LDLRAD4: variants seen among roughly 807,000 people sequenced by gnomAD.
LDLRAD4 encodes low-density lipoprotein receptor class A domain-containing protein 4.
In LDLRAD4, 5 loss-of-function variants were observed where a neutral mutation model predicts 17.0. The ratio of observed to expected loss-of-function variants is 0.29; its 90% CI spans 0.15 to 0.62. The LOEUF (loss-of-function observed/expected upper bound fraction) is 0.62, where lower values mean the gene tolerates loss of function less well. Among genes scored for constraint, LDLRAD4 ranks in the 20% least tolerant of loss-of-function variants. The pLI, the probability that LDLRAD4 is intolerant of heterozygous loss-of-function variation, is 0.84. For missense variants in LDLRAD4, 340 were observed against 424.7 expected (o/e 0.80, Z 1.75); for synonymous variants, 168 against 171.8 (o/e 0.98, Z 0.17).
At chr18:13,482,241 C>T (rs2146961484) in intron 3 of LDLRAD4, among the ~76,000 whole-genome samples, 1 of 152,282 alleles carries the variant, frequency 6.6e-6, no homozygotes, top group South Asian at 2.1e-4. Flanking sequence ...GGGACGGTTG[C>T]CTCTGAACCC....
intron 3 of LDLRAD4, among the ~76,000 whole-genome samples, chr18:13,546,444 T>C (rs1023156126): frequency 1.4e-5 from 2 of 145,144 alleles, no homozygotes; most frequent in African/African-American, 5.1e-5. Context: ...TCATAGCTCA[T>C]AGCAGCCTCA....
At chr18:13,218,250 A>C (rs1427057990), upstream of LDLRAD4, among the ~76,000 whole-genome samples, 2 of 152,060 alleles carry the variant, frequency 1.3e-5, no homozygotes, top group African/African-American at 4.8e-5. Context: ...CGGAGGGAGA[A>C]GCTGGGCGCC....
At chr18:13,285,114 G>A (rs568577417) in intron 1 of LDLRAD4, among the ~76,000 whole-genome samples, 49 of 152,312 alleles carry the variant, frequency 3.2e-4, no homozygotes, top group Non-Finnish European at 3.5e-4. Context: ...AGGTTGCAGC[G>A]TCCCTCTCAA....
chr18:13,502,293 G>T (rs1442821162), intron 3 of LDLRAD4, among the ~76,000 whole-genome samples: 1 of 152,212 alleles, frequency 6.6e-6, no homozygotes, highest in South Asian at 2.1e-4. Context: ...ACTAGCCTCT[G>T]TGCTGGTCCT....
At chr18:13,649,850 C>G (rs567406949) in exon 6 of LDLRAD4, 260 of 394,614 alleles carry the variant, frequency 6.6e-4, no homozygotes, top group Non-Finnish European at 9.7e-4. Context: ...CACGAACATG[C>G]TCCACAGCCT....
intron 1 of LDLRAD4, among the ~76,000 whole-genome samples, chr18:13,302,949 G>A (rs1308682862): frequency 6.6e-6 from 1 of 152,254 alleles, no homozygotes; most frequent in Admixed American, 6.5e-5. Flanking sequence ...GCTGCTGACT[G>A]TAAAATGAGA....
At chr18:13,358,156 A>G (rs2083453551) in intron 1 of LDLRAD4, among the ~76,000 whole-genome samples, 2 of 152,118 alleles carry the variant, frequency 1.3e-5, no homozygotes, top group South Asian at 2.1e-4. Context: ...TTTTATAATG[A>G]TAAGTTGCAT....
chr18:13,485,414 C>G (rs995706064), intron 3 of LDLRAD4, among the ~76,000 whole-genome samples: 1 of 152,248 alleles, frequency 6.6e-6, no homozygotes, highest in Non-Finnish European at 1.5e-5. Flanking sequence ...TCCTGGGCCT[C>G]CGCCTGCTTC....
intron 1 of LDLRAD4, among the ~76,000 whole-genome samples, chr18:13,238,603 G>T (rs2042455951): frequency 6.6e-6 from 1 of 152,232 alleles, no homozygotes; most frequent in African/African-American, 2.4e-5. Flanking sequence ...GGGTGGTGTG[G>T]TGCAGGCCAG....
intron 1 of LDLRAD4, among the ~76,000 whole-genome samples, chr18:13,259,851 C>T (rs2043715498): frequency 6.6e-6 from 1 of 152,218 alleles, no homozygotes; most frequent in Non-Finnish European, 1.5e-5. Flanking sequence ...CTGAGCCCCA[C>T]TGGGTGCGCA....
intron 1 of LDLRAD4, among the ~76,000 whole-genome samples, chr18:13,261,766 C>G (rs1054639206): frequency 6.6e-6 from 1 of 152,090 alleles, no homozygotes; most frequent in East Asian, 1.9e-4. Context: ...ATGGCTTACC[C>G]GGCTGCAGGC....
Position 13,424,236 on chromosome 18 carries a change from A to G in LDLRAD4, c.41-14008A>G, listed in dbSNP as rs563133412. ...GCAGAAATGCTGGTTTGTGTGATTTATACAGCTGTAATATTTAATGGCTTT... is the reference window on the plus strand; with the variant it reads ...GCAGAAATGCTGGTTTGTGTGATTTGTACAGCTGTAATATTTAATGGCTTT... On this transcript the variant is annotated intron_variant, in intron 2 of 5. Transcript: ENST00000359446. Among the ~76,000 whole-genome samples the G allele has an allele frequency of 5.3e-5, 8 of 152,266 alleles. No homozygotes were observed. The South Asian group carries it at 6.2e-4, about 12-fold the overall frequency.
chr18:13,228,602 T>C (rs2041924347), intron 1 of LDLRAD4, among the ~76,000 whole-genome samples: 1 of 152,160 alleles, frequency 6.6e-6, no homozygotes, highest in African/African-American at 2.4e-5. Flanking sequence ...TCTGCTACTT[T>C]GGCTATGAAG....
At chr18:13,411,622 C>CT (rs2088372443) in intron 2 of LDLRAD4, among the ~76,000 whole-genome samples, 1 of 152,298 alleles carries the variant, frequency 6.6e-6, no homozygotes, top group Admixed American at 6.5e-5. Flanking sequence ...CACACGCTCT[C>CT]TTGCCTGCTA....
chr18:13,612,844 T>C, intron 3 of LDLRAD4: 7 of 1,588,878 alleles, frequency 4.4e-6, no homozygotes, highest in Non-Finnish European at 6.0e-6. Context: ...TCTTGGAGTT[T>C]GGTCTGAGGA....
At chr18:13,473,678 T>TATATATATATATA (rs374731826) in intron 3 of LDLRAD4, among the ~76,000 whole-genome samples, 2 of 79,986 alleles carry the variant, frequency 2.5e-5, no homozygotes, top group Admixed American at 1.6e-4. Flanking sequence ...TATATATATA[T>TATATATATATATA]AACGTTTACA....
Position 13,621,174 on chromosome 18 carries a change from T to C in LDLRAD4, c.239T>C (p.Val80Ala). 1 of 1,614,124 alleles carries C rather than the reference T, an allele frequency of 6.2e-7. No homozygotes were observed. The highest frequency in any genetic ancestry group is 8.5e-7 in the Non-Finnish European group (1 of 1,180,006). The change falls in exon 4 of 6, where the codon GTG becomes GCG. Residue 80 changes from valine to alanine, a missense_variant. Coordinates refer to ENST00000359446, the Ensembl canonical transcript of LDLRAD4. This position sits in a 1 kb window ranked among gnomAD's most constrained non-coding sequence, Gnocchi z 5.5. Reference sequence around the variant, plus strand: ...GTCGTGGTGGTCACGGTGATGGTGGTGGTCATCGTCTGCCTGCTGAACCAC... The same window carrying C: ...GTCGTGGTGGTCACGGTGATGGTGGCGGTCATCGTCTGCCTGCTGAACCAC...
intron 3 of LDLRAD4, among the ~76,000 whole-genome samples, chr18:13,477,465 G>A (rs2092971159): frequency 6.6e-6 from 1 of 152,200 alleles, no homozygotes; most frequent in Admixed American, 6.5e-5. Flanking sequence ...CGGGATACTT[G>A]TCATGCATTT....
chr18:13,338,854 A>T (rs1160199322), intron 1 of LDLRAD4, among the ~76,000 whole-genome samples: 2 of 152,190 alleles, frequency 1.3e-5, no homozygotes, highest in Non-Finnish European at 2.9e-5. Context: ...TTTTAAAATG[A>T]TGCTTTCCAC....
Sources: allele counts gnomAD v4.1 joint callset (sites outside exome capture counted in the v4.1 genomes callset), GRCh38; gene constraint gnomAD v4.1.1; non-coding constraint Gnocchi (gnomAD v3.1); transcripts MANE v1.5; gene names NCBI Gene and HGNC (gene_info 2026-07-23, HGNC 2026-07-21).